ELFN1: variants seen among roughly 807,000 people sequenced by gnomAD.
ELFN1 encodes extracellular leucine rich repeat and fibronectin type III domain containing 1.
In ELFN1, 6 loss-of-function variants were observed where a neutral mutation model predicts 7.6. That is an observed-to-expected ratio of 0.79 (90% CI 0.43 to 1.56). ELFN1 has a LOEUF of 1.56. Among genes scored for constraint, ELFN1 ranks in the 40% most tolerant of loss-of-function variants. The pLI is 0.01. For synonymous variants in ELFN1, 657 were observed against 588.1 expected (o/e 1.12, Z -1.70); for missense variants, 1,169 against 1,232.2 (o/e 0.95, Z 0.77).
upstream of ELFN1, among the ~76,000 whole-genome samples, chr7:1,669,860 ACTCCC>A (rs1267207180): frequency 1.9e-5 from 2 of 105,330 alleles, no homozygotes; most frequent in South Asian, 2.9e-4. Flanking sequence ...TGTCGCCCCC[ACTCCC>A]CCCACCCACC....
At chr7:1,668,154 C>T (rs553998233), upstream of ELFN1, among the ~76,000 whole-genome samples, 10 of 152,372 alleles carry the variant, frequency 6.6e-5, no homozygotes, top group Admixed American at 6.5e-4. Context: ...CTCTGAGGTT[C>T]TCCGTGGATC....
In ELFN1 at chr7:1,727,055, G is replaced by A. The variant is rs375045875; in HGVS notation, c.-293-17249G>A. Among the ~76,000 whole-genome samples the A allele has an allele frequency of 2.8e-4, 42 of 152,292 alleles. No individual in the cohort carries two copies. In the East Asian group the frequency reaches 4.1e-3, roughly 15 times the overall value. On this transcript the variant is annotated intron_variant, in intron 3 of 3. Transcript: ENST00000424383. ...GGGTCGGGCTGTGGGATTCCATCACGCGTGTTCTCTTCAGCACTCATAGCC... is the reference window on the plus strand; with the variant it reads ...GGGTCGGGCTGTGGGATTCCATCACACGTGTTCTCTTCAGCACTCATAGCC...
intron 2 of ELFN1, among the ~76,000 whole-genome samples, chr7:1,702,687 T>C (rs1424655163): frequency 6.6e-6 from 1 of 151,410 alleles, no homozygotes; most frequent in Non-Finnish European, 1.5e-5. Flanking sequence ...ATGAATTTTA[T>C]GCTAATATTT....
chr7:1,691,850 T>C (rs1040508862), intron 2 of ELFN1: 1 of 152,238 alleles, frequency 6.6e-6, no homozygotes, highest in African/African-American at 2.4e-5. Flanking sequence ...CCTTCACAGC[T>C]CATTAAGCCT....
At chr7:1,698,475 G>T (rs1362513195) in intron 2 of ELFN1, among the ~76,000 whole-genome samples, 2 of 152,082 alleles carry the variant, frequency 1.3e-5, no homozygotes, top group Non-Finnish European at 2.9e-5. Flanking sequence ...CAGCCGCAAT[G>T]AAATTTTTTT....
intron 1 of ELFN1, among the ~76,000 whole-genome samples, chr7:1,682,016 T>C (rs1183857931): frequency 1.3e-5 from 2 of 152,274 alleles, no homozygotes; most frequent in Non-Finnish European, 2.9e-5. Context: ...AAGTCCTTTA[T>C]CAGAAATGTA....
chr7:1,720,267 G>A (rs1253593256), intron 3 of ELFN1, among the ~76,000 whole-genome samples: 1 of 152,232 alleles, frequency 6.6e-6, no homozygotes, highest in Non-Finnish European at 1.5e-5. Context: ...TTACTCCAGT[G>A]GGAAGACGAA....
chr7:1,729,153 A>G (rs114742787), intron 3 of ELFN1, among the ~76,000 whole-genome samples: 2,841 of 152,232 alleles, frequency 0.019, 92 homozygotes, highest in African/African-American at 0.065. Flanking sequence ...GAGCCCTCCA[A>G]TTCTCCAGTG....
At chr7:1,693,386 A>G (rs1166376820) in intron 2 of ELFN1, 1 of 471,138 alleles carries the variant, frequency 2.1e-6, no homozygotes, top group Non-Finnish European at 4.4e-6. Flanking sequence ...AGCCGTGTAC[A>G]CACACTGGTG....
At chr7:1,716,588 A>G (rs751817571) in intron 3 of ELFN1, among the ~76,000 whole-genome samples, 1 of 152,206 alleles carries the variant, frequency 6.6e-6, no homozygotes, top group African/African-American at 2.4e-5. Context: ...AAGGATATCC[A>G]CATTCTGCAC....
intron 2 of ELFN1, among the ~76,000 whole-genome samples, chr7:1,702,898 T>A (rs537426078): frequency 6.7e-6 from 1 of 150,232 alleles, no homozygotes; most frequent in East Asian, 1.9e-4. Flanking sequence ...TTGCTCTTGA[T>A]TGCAAAAAGT....
intron 2 of ELFN1, among the ~76,000 whole-genome samples, chr7:1,690,486 G>T (rs1438596956): frequency 6.6e-6 from 1 of 151,710 alleles, no homozygotes; most frequent in Non-Finnish European, 1.5e-5. Context: ...TTGAGTGGGT[G>T]GGTAGATAAG....
chr7:1,702,092 C>T (rs752985703), intron 2 of ELFN1, among the ~76,000 whole-genome samples: 7 of 151,994 alleles, frequency 4.6e-5, no homozygotes, highest in Non-Finnish European at 8.8e-5. Context: ...ATCTGAGTCA[C>T]CATAGCTTTA....
chr7:1,692,952 G>C, intron 2 of ELFN1: 1 of 235,296 alleles, frequency 4.2e-6, no homozygotes, highest in South Asian at 7.0e-5. Context: ...TCACAAGGCA[G>C]GCCTGGGCCT....
At chr7:1,727,288 A>G (rs1780224286) in intron 3 of ELFN1, among the ~76,000 whole-genome samples, 1 of 152,192 alleles carries the variant, frequency 6.6e-6, no homozygotes, top group South Asian at 2.1e-4. Flanking sequence ...TCCCTGGGGT[A>G]GCTAGAAATG....
At position 1,747,288 on chromosome 7, in the gene ELFN1, C is replaced by A; in HGVS notation, c.*205C>A. On this transcript the variant is annotated 3_prime_UTR_variant, in exon 4 of 4. Transcript: ENST00000424383. ...CGGTCCTGGGATGCGCTTGTCGCCC[C>A]GGGTGGCACGTGTCCACACACACAC... 5.3e-6 allele frequency: 2 copies of A among 380,806 alleles called. No homozygotes were observed. The highest frequency in any genetic ancestry group is 4.5e-5 in the South Asian group (1 of 22,314). The allele number at this position is 380,806 out of a possible 1,614,324, so 23.6% of individuals were successfully genotyped here.
At chr7:1,731,018 G>C (rs1780314156) in intron 3 of ELFN1, among the ~76,000 whole-genome samples, 1 of 152,154 alleles carries the variant, frequency 6.6e-6, no homozygotes, top group Admixed American at 6.5e-5. Context: ...ACTAACAACA[G>C]CTAGTCGAGA....
intron 3 of ELFN1, among the ~76,000 whole-genome samples, chr7:1,720,103 GCA>G (rs1779973687): frequency 2.0e-5 from 3 of 152,328 alleles, no homozygotes; most frequent in South Asian, 4.1e-4. Flanking sequence ...CAGCATTCTG[GCA>G]CAGTGTCCTT....
chr7:1,674,062 C>T (rs950851958), intron 1 of ELFN1, among the ~76,000 whole-genome samples: 2 of 151,984 alleles, frequency 1.3e-5, no homozygotes, highest in African/African-American at 4.8e-5. Context: ...CGGCGAGGAC[C>T]ACTGCTCTGC....
Sources: allele counts gnomAD v4.1 joint callset (sites outside exome capture counted in the v4.1 genomes callset), GRCh38; gene constraint gnomAD v4.1.1; transcripts MANE v1.5; gene names NCBI Gene and HGNC (gene_info 2026-07-23, HGNC 2026-07-21).